ROBO1: variants seen among roughly 807,000 people sequenced by gnomAD.
ROBO1 encodes roundabout guidance receptor 1.
ROBO1 carries 149 observed loss-of-function variants against 195.9 expected under a neutral mutation model. The observed-to-expected ratio is 0.76, with a 90% CI of 0.67 to 0.87. The LOEUF (loss-of-function observed/expected upper bound fraction) is 0.87, where lower values mean the gene tolerates loss of function less well. Among genes scored for constraint, ROBO1 ranks in the 40% least tolerant of loss-of-function variants. The pLI, the probability that ROBO1 is intolerant of heterozygous loss-of-function variation, is 0.00. For synonymous variants in ROBO1, 816 were observed against 733.2 expected (o/e 1.11, Z -1.82); for missense variants, 1,933 against 2,068.3 (o/e 0.93, Z 1.27).
intron 2 of ROBO1, among the ~76,000 whole-genome samples, chr3:79,525,395 TAAC>T (rs1941386118): frequency 6.7e-6 from 1 of 149,736 alleles, no homozygotes; most frequent in African/African-American, 2.4e-5. Context: ...TGAGAAATAA[TAAC>T]AATTTCCAGC....
intron 2 of ROBO1, among the ~76,000 whole-genome samples, chr3:79,567,220 T>C (rs1191252231): frequency 6.6e-6 from 1 of 151,918 alleles, no homozygotes; most frequent in Non-Finnish European, 1.5e-5. Context: ...CATGGACACA[T>C]AGAGGGAAAC....
At chr3:78,676,414 G>C (rs562281099) in intron 10 of ROBO1, among the ~76,000 whole-genome samples, 276 of 152,238 alleles carry the variant, frequency 1.8e-3, no homozygotes, top group African/African-American at 6.4e-3. Flanking sequence ...AGGCAAAGAA[G>C]TTAAAAACTT....
At chr3:79,119,769 AT>A (rs111507623) in intron 3 of ROBO1, among the ~76,000 whole-genome samples, 123 of 146,328 alleles carry the variant, frequency 8.4e-4, no homozygotes, top group Middle Eastern at 3.6e-3. Flanking sequence ...TGATTCATGG[AT>A]TTTTTTTTTT....
At chr3:79,566,012 C>G (rs1279200509) in intron 2 of ROBO1, among the ~76,000 whole-genome samples, 1 of 152,044 alleles carries the variant, frequency 6.6e-6, no homozygotes, top group Non-Finnish European at 1.5e-5. Context: ...CTATTGGACT[C>G]AGAGCACTTG....
At position 78,617,805 on chromosome 3, in the gene ROBO1, AT is replaced by A; in HGVS notation, c.4111del (p.Ile1371SerfsTer46). The A allele has an allele frequency of 6.2e-7, 1 of 1,613,912 alleles. No homozygotes were observed. Among genetic ancestry groups the A allele is most frequent in the Non-Finnish European group, 8.5e-7 (1 of 1,179,858 alleles). ...CTCTGAGGCTGAGCCCCAGCCGTTG[AT>A]CATGGACCCCGTGACAGAGCTCTCC... ...DLESSVTGSM[I>X]NGWGSASEED... On this transcript the variant is annotated frameshift_variant, in exon 27 of 31. Coordinates refer to ENST00000464233, the MANE Select transcript of ROBO1 (RefSeq NM_002941.4). LOFTEE classifies it high-confidence loss of function.
chr3:79,390,888 G>C (rs1043112922), intron 2 of ROBO1, among the ~76,000 whole-genome samples: 1 of 152,118 alleles, frequency 6.6e-6, no homozygotes, highest in African/African-American at 2.4e-5. Flanking sequence ...TAACTGAACA[G>C]CTGTGTTATG....
chr3:78,975,478 G>C (rs954430104), intron 3 of ROBO1, among the ~76,000 whole-genome samples: 2 of 152,076 alleles, frequency 1.3e-5, no homozygotes, highest in African/African-American at 2.4e-5. Context: ...TTGGTTCTTG[G>C]AGAGACTCTC....
chr3:79,336,374 C>T (rs1451800331), intron 2 of ROBO1, among the ~76,000 whole-genome samples: 1 of 152,220 alleles, frequency 6.6e-6, no homozygotes, highest in African/African-American at 2.4e-5. Context: ...ACATGGTGCA[C>T]TGCATCCCAG....
intron 2 of ROBO1, among the ~76,000 whole-genome samples, chr3:79,502,797 G>A (rs1478360392): frequency 1.3e-5 from 2 of 151,436 alleles, no homozygotes; most frequent in African/African-American, 2.4e-5. Context: ...AGTACTCTGT[G>A]TCTAGCTCAG....
At chr3:79,547,378 A>C (rs932931107) in intron 2 of ROBO1, among the ~76,000 whole-genome samples, 1 of 152,008 alleles carries the variant, frequency 6.6e-6, no homozygotes, top group African/African-American at 2.4e-5. Context: ...GAACGTGAGG[A>C]GGAAAATGAG....
intron 4 of ROBO1, among the ~76,000 whole-genome samples, chr3:78,918,000 A>C (rs1325998676): frequency 6.6e-6 from 1 of 152,212 alleles, no homozygotes; most frequent in East Asian, 1.9e-4. Flanking sequence ...TATTTCTTTA[A>C]GTATGTAGCC....
chr3:78,925,888 T>G (rs1334378222), intron 4 of ROBO1, among the ~76,000 whole-genome samples: 3 of 151,806 alleles, frequency 2.0e-5, no homozygotes, highest in Non-Finnish European at 4.4e-5. Flanking sequence ...TTTTTTTTTT[T>G]GAGACAGAGT....
chr3:78,868,735 GAAA>G (rs549608219), intron 4 of ROBO1, among the ~76,000 whole-genome samples: 66 of 152,072 alleles, frequency 4.3e-4, no homozygotes, highest in Non-Finnish European at 3.4e-4. Flanking sequence ...CATAAAAGGG[GAAA>G]AAAACACACT....
At chr3:78,645,151 A>G (rs1350585666) in intron 21 of ROBO1, among the ~76,000 whole-genome samples, 1 of 152,174 alleles carries the variant, frequency 6.6e-6, no homozygotes, top group Non-Finnish European at 1.5e-5. Context: ...AGCAATACCC[A>G]GGAAAGAAAA....
chr3:79,006,507 C>A (rs977449390), intron 3 of ROBO1, among the ~76,000 whole-genome samples: 1 of 151,930 alleles, frequency 6.6e-6, no homozygotes, highest in African/African-American at 2.4e-5. Context: ...TTGGTGCAAG[C>A]GCTTATTATT....
intron 10 of ROBO1, among the ~76,000 whole-genome samples, chr3:78,684,367 A>G (rs2081002465): frequency 6.6e-6 from 1 of 152,176 alleles, no homozygotes; most frequent in African/African-American, 2.4e-5. Context: ...AAAAGTTATT[A>G]TCTCTGCTAG....
intron 3 of ROBO1, among the ~76,000 whole-genome samples, chr3:78,988,532 A>G (rs551970945): frequency 1.3e-5 from 2 of 152,302 alleles, no homozygotes; most frequent in South Asian, 4.1e-4. Context: ...TGCTGGAAGC[A>G]TGAAACATAA....
At chr3:78,968,800 T>C (rs2076703354) in intron 3 of ROBO1, among the ~76,000 whole-genome samples, 1 of 152,178 alleles carries the variant, frequency 6.6e-6, no homozygotes, top group Non-Finnish European at 1.5e-5. Flanking sequence ...TTCATTCAAA[T>C]AATATACCAG....
At chr3:79,063,808 C>A (rs961157270) in intron 3 of ROBO1, among the ~76,000 whole-genome samples, 6 of 150,988 alleles carry the variant, frequency 4.0e-5, no homozygotes, top group Admixed American at 6.6e-5. Flanking sequence ...AATAGGCAAA[C>A]GTGAAAAAAA....
Sources: gnomAD v4.1 joint callset for allele counts (sites outside exome capture counted in the v4.1 genomes callset) on GRCh38, gnomAD v4.1.1 for gene constraint, MANE v1.5 for transcripts, NCBI Gene and HGNC (gene_info 2026-07-23, HGNC 2026-07-21) for gene names.